The following NYAP2 variants were observed in gnomAD, a reference collection of about 807,000 sequenced individuals.
NYAP2 encodes the protein neuronal tyrosine-phosphorylated phosphoinositide-3-kinase adapter 2.
NYAP2 carries 23 observed loss-of-function variants against 50.4 expected under a neutral mutation model. The observed-to-expected ratio is 0.46, with a 90% CI of 0.33 to 0.65. The LOEUF is 0.65. Among genes scored for constraint, NYAP2 ranks in the 30% least tolerant of loss-of-function variants. NYAP2 has a pLI of 0.02. For missense variants in NYAP2, 885 were observed against 861.0 expected (o/e 1.03, Z -0.35); for synonymous variants, 394 against 365.2 (o/e 1.08, Z -0.90).
At chr2:225,542,035 T>C (rs541543855) in intron 4 of NYAP2, among the ~76,000 whole-genome samples, 15 of 152,122 alleles carry the variant, frequency 9.9e-5, no homozygotes, top group Admixed American at 2.0e-4. Context: ...ATTTTATTTG[T>C]AGCTATTATA....
chr2:225,417,885 T>C (rs1166276540), intron 3 of NYAP2, among the ~76,000 whole-genome samples: 1 of 152,116 alleles, frequency 6.6e-6, no homozygotes, highest in East Asian at 1.9e-4. Flanking sequence ...GTGAACAGAA[T>C]ACCAAAACAT....
At chr2:225,439,000 C>T (rs572595870) in intron 3 of NYAP2, among the ~76,000 whole-genome samples, 56 of 152,078 alleles carry the variant, frequency 3.7e-4, no homozygotes, top group African/African-American at 1.3e-3. Context: ...GGAGGGAAAG[C>T]GGGAGTCAGA....
chr2:225,651,716 G>T (rs1008816513), exon 7 of NYAP2: 68 of 779,930 alleles, frequency 8.7e-5, no homozygotes, highest in Non-Finnish European at 1.3e-4. Flanking sequence ...ATTTGAAAAA[G>T]AATATCTTTC....
chr2:225,514,185 G>GT (rs1357453555), intron 4 of NYAP2, among the ~76,000 whole-genome samples: 3 of 152,132 alleles, frequency 2.0e-5, no homozygotes, highest in Admixed American at 6.6e-5. Context: ...ATCTGCCTGT[G>GT]TTTTTTCTCA....
At chr2:225,686,094 T>C in the NYAP2 span, among the ~76,000 whole-genome samples, 1 of 152,138 alleles carries the variant, frequency 6.6e-6, no homozygotes, top group Non-Finnish European at 1.5e-5. Flanking sequence ...CACACCTCGA[T>C]AGATGGTGTG....
intron 4 of NYAP2, among the ~76,000 whole-genome samples, chr2:225,538,803 T>TTA (rs1374024863): frequency 3.2e-5 from 2 of 63,080 alleles, no homozygotes; most frequent in South Asian, 3.8e-4. Flanking sequence ...TCTTTCTTTC[T>TTA]TTCTTTCTTT....
chr2:225,597,594 A>G (rs1692627899), intron 5 of NYAP2, among the ~76,000 whole-genome samples: 1 of 137,180 alleles, frequency 7.3e-6, no homozygotes, highest in Non-Finnish European at 1.6e-5. Flanking sequence ...ATATTTTTGT[A>G]ATTGTGAATT....
intron 4 of NYAP2, among the ~76,000 whole-genome samples, chr2:225,579,684 G>A (rs1048503380): frequency 2.6e-5 from 4 of 152,076 alleles, no homozygotes; most frequent in Non-Finnish European, 5.9e-5. Context: ...TCTGAATGCC[G>A]TGCCATGCCC....
intron 3 of NYAP2, among the ~76,000 whole-genome samples, chr2:225,501,635 A>C (rs145622795): frequency 6.6e-6 from 1 of 152,200 alleles, no homozygotes; most frequent in Non-Finnish European, 1.5e-5. Flanking sequence ...TTGTTTCAAC[A>C]GTGAAAGCAA....
At chr2:225,669,996 G>C in the NYAP2 span, among the ~76,000 whole-genome samples, 1 of 152,140 alleles carries the variant, frequency 6.6e-6, no homozygotes, top group Admixed American at 6.6e-5. Flanking sequence ...AAGATGAAGA[G>C]CTCTTCAAAT....
chr2:225,597,275 G>C (rs1365859888), intron 5 of NYAP2, among the ~76,000 whole-genome samples: 1 of 151,262 alleles, frequency 6.6e-6, no homozygotes, highest in East Asian at 2.0e-4. Context: ...CCAATTTGTA[G>C]TCTTTTTATC....
chr2:225,644,387 A>G (rs1336213170), intron 6 of NYAP2, among the ~76,000 whole-genome samples: 6 of 150,772 alleles, frequency 4.0e-5, no homozygotes, highest in East Asian at 2.0e-4. Context: ...CCCATTTTGT[A>G]GGTTGCCTGT....
chr2:225,448,605 T>C (rs1689599524), intron 3 of NYAP2, among the ~76,000 whole-genome samples: 1 of 152,198 alleles, frequency 6.6e-6, no homozygotes, highest in Non-Finnish European at 1.5e-5. Flanking sequence ...TATTTACATC[T>C]CTTGTGGCTG....
intron 4 of NYAP2, among the ~76,000 whole-genome samples, chr2:225,536,850 C>T (rs1235926440): frequency 6.6e-6 from 1 of 151,026 alleles, no homozygotes; most frequent in Non-Finnish European, 1.5e-5. Context: ...GTGATCTCGT[C>T]TCACTGCAAG....
intron 4 of NYAP2, among the ~76,000 whole-genome samples, chr2:225,516,409 C>G (rs1690936680): frequency 6.6e-6 from 1 of 152,188 alleles, no homozygotes; most frequent in African/African-American, 2.4e-5. Context: ...AACACCAACT[C>G]CAAATCCAGC....
intron 3 of NYAP2, among the ~76,000 whole-genome samples, chr2:225,464,463 C>T (rs1574628022): frequency 6.6e-6 from 1 of 152,146 alleles, no homozygotes; most frequent in Admixed American, 6.5e-5. Context: ...AGGGAAAATA[C>T]TTTGCGGGCC....
intron 4 of NYAP2, among the ~76,000 whole-genome samples, chr2:225,564,037 AT>A (rs1691919406): frequency 6.6e-6 from 1 of 152,124 alleles, no homozygotes; most frequent in Non-Finnish European, 1.5e-5. Flanking sequence ...GGCATTTATT[AT>A]AAAGAAAACA....
chr2:225,574,594 T>C (rs1025623279), intron 4 of NYAP2, among the ~76,000 whole-genome samples: 1 of 152,206 alleles, frequency 6.6e-6, no homozygotes, highest in Admixed American at 6.5e-5. Context: ...TTCATTTAAA[T>C]TTTAAACTAT....
chr2:225,465,184 T>G (rs1689897439), intron 3 of NYAP2, among the ~76,000 whole-genome samples: 1 of 152,140 alleles, frequency 6.6e-6, no homozygotes, highest in Admixed American at 6.5e-5. Context: ...GACTTACCCT[T>G]TGGGCATGAT....
Sources: allele counts gnomAD v4.1 joint callset (sites outside exome capture counted in the v4.1 genomes callset), GRCh38; gene constraint gnomAD v4.1.1; transcripts MANE v1.5; gene names NCBI Gene and HGNC (gene_info 2026-07-23, HGNC 2026-07-21).